The following LAIR1 variants were observed in gnomAD, a reference collection of about 807,000 sequenced individuals.
The protein encoded by LAIR1 is leukocyte-associated immunoglobulin-like receptor 1.
In LAIR1, 24 loss-of-function variants were observed where a neutral mutation model predicts 32.8. That is an observed-to-expected ratio of 0.73 (90% CI 0.53 to 1.03). The LOEUF (loss-of-function observed/expected upper bound fraction) is 1.03, where lower values mean the gene tolerates loss of function less well. Ranked by LOEUF, LAIR1 falls within the 50% of genes least tolerant of loss-of-function variation. LAIR1 has a pLI of 0.00. For missense variants in LAIR1, 355 were observed against 347.5 expected, an observed-to-expected ratio of 1.02 and a Z score of -0.17; for synonymous variants, 150 against 140.5, an observed-to-expected ratio of 1.07 and a Z score of -0.48.
At chr19:54,360,885 G>C (rs771929511) in intron 3 of LAIR1, 31 bp downstream of exon 3, 1 of 1,594,836 alleles carries the variant, frequency 6.3e-7, no homozygotes, top group Admixed American at 1.7e-5. Context: ...GTCGAGCTGA[G>C]ACTGGGGCAG....
intron 2 of LAIR1, among the ~76,000 whole-genome samples, chr19:54,363,366 C>T (rs1218609769): frequency 6.6e-6 from 1 of 151,712 alleles, no homozygotes; most frequent in Non-Finnish European, 1.5e-5. Context: ...TTGTGACTGT[C>T]ATGTTCCCCG....
Position 54,354,284 on chromosome 19 carries a change from T to C in LAIR1, c.*984A>G, listed in dbSNP as rs1225528600. ...GTGAGAGCATGCATTCCTGTGCATG[T>C]ATGTGCAGATGTGGACCTGTAGGGT... On this transcript the variant is annotated 3_prime_UTR_variant, in exon 10 of 10. Coordinates refer to ENST00000391742, the MANE Select transcript of LAIR1 (RefSeq NM_002287.6). 1 of 152,184 alleles carries C rather than the reference T, an allele frequency of 6.6e-6. No homozygotes were observed. Among genetic ancestry groups the C allele is most frequent in the Non-Finnish European group, 1.5e-5 (1 of 68,042 alleles). The allele number at this position is 152,184 out of a possible 1,614,324, so 9.4% of individuals were successfully genotyped here. A position where few individuals can be genotyped will look rare whatever the true frequency, so the allele number is the denominator to read the frequency against.
rs550183931 is a variant in LAIR1, at chr19:54,370,457, C to T, written c.-180G>A. On this transcript the variant is annotated 5_prime_UTR_variant, in exon 1 of 9. Coordinates refer to the LAIR1 transcript ENST00000391743. ...ACCTCCAGCCTGCGCTGTGGAGAGACCAGGTCCTCGGAACAGTATTTTAAC... is the reference window on the plus strand; with the variant it reads ...ACCTCCAGCCTGCGCTGTGGAGAGATCAGGTCCTCGGAACAGTATTTTAAC... The T allele has an allele frequency of 2.1e-4, 109 of 517,018 alleles. 6 individuals are homozygous for T. In the African/African-American group the frequency reaches 2.1e-3, roughly 10 times the overall value. 32.0% of individuals were successfully genotyped at this position (517,018 alleles called of 1,614,324 possible). A position where few individuals can be genotyped will look rare whatever the true frequency, so the allele number is the denominator to read the frequency against.
chr19:54,370,294 A>C, exon 1 of LAIR1: 1 of 1,543,894 alleles, frequency 6.5e-7, no homozygotes, highest in Non-Finnish European at 8.7e-7. Flanking sequence ...TCGCGGATGC[A>C]ACCCTGGAAG....
chr19:54,367,620 C>T (rs773542904), upstream of LAIR1, among the ~76,000 whole-genome samples: 58 of 150,694 alleles, frequency 3.8e-4, no homozygotes, highest in Non-Finnish European at 7.5e-4. Flanking sequence ...GTGGTGGGCG[C>T]CTGTAGTCCC....
chr19:54,365,853 T>C (rs2082235596), upstream of LAIR1, among the ~76,000 whole-genome samples: 1 of 151,538 alleles, frequency 6.6e-6, no homozygotes, highest in Non-Finnish European at 1.5e-5. Context: ...CTATTCGCAA[T>C]AGCTAAGACG....
At chr19:54,367,414 CAAT>C (rs1331372237), upstream of LAIR1, among the ~76,000 whole-genome samples, 1 of 152,122 alleles carries the variant, frequency 6.6e-6, no homozygotes, top group African/African-American at 2.4e-5. Flanking sequence ...TAAAAAATAA[CAAT>C]AAACCAACTA....
At position 54,355,338 on chromosome 19, in the gene LAIR1, C is replaced by T. The variant is rs539893856; in HGVS notation, c.794G>A (p.Arg265Gln). Residue 265 changes from arginine (R) to glutamine (Q), a missense_variant, in exon 10 of 10, where the codon CGG becomes CAG. Transcript: ENST00000391742. The surrounding 1 kb of genome is among the most constrained non-coding windows in gnomAD (Gnocchi z 4.7). ...DHWALTQRTARAVSPQSTKPM... is the reference protein window; with the variant it reads ...DHWALTQRTAQAVSPQSTKPM... ...CTTTGTGGACTGTGGGGACACAGCC[C>T]GGGCTGTCCTCTGTGTGAGGGCCCA... is the stretch of plus-strand genomic sequence containing the variant. 7 of 1,613,490 alleles carry T rather than the reference C, an allele frequency of 4.3e-6. No individual in the cohort carries two copies. Among genetic ancestry groups the T allele is most frequent in the South Asian group, 2.2e-5 (2 of 91,048 alleles).
In LAIR1 at chr19:54,364,394, A is replaced by C. The variant is rs2082164016; in HGVS notation, c.35-64T>G. On this transcript the variant is annotated intron_variant, in intron 1 of 9. Transcript: ENST00000391742. This position sits in a 1 kb window ranked among gnomAD's most constrained non-coding sequence, Gnocchi z 4.8. The stretch of plus-strand genomic sequence containing the variant: ...CAGTCTCCTTACGGGGCTGCTGTCA[A>C]AAGGGGGCTCGATGGAGCTGGGGGG... The C allele has an allele frequency of 8.1e-6, 13 of 1,609,204 alleles. No homozygotes were observed. In the Middle Eastern group the frequency reaches 9.9e-4, roughly 123 times the overall value.
rs888693326 is a variant in LAIR1, at chr19:54,352,085, C to T, written c.*3183G>A. Reference sequence around the variant, plus strand: ...TCACCGGGTAATCTTTCTCTCAACGCCTTGCCCAGCTGGCCCAGGGCTCCA... The same window carrying T: ...TCACCGGGTAATCTTTCTCTCAACGTCTTGCCCAGCTGGCCCAGGGCTCCA... On this transcript the variant is annotated 3_prime_UTR_variant, in exon 10 of 10. Coordinates refer to ENST00000391742, the MANE Select transcript of LAIR1 (RefSeq NM_002287.6). 6.6e-6 allele frequency: 1 copy of T among 152,322 alleles called. No homozygotes were observed. The highest frequency in any genetic ancestry group is 1.5e-5 in the Non-Finnish European group (1 of 68,094). 9.4% of individuals were successfully genotyped at this position (152,322 alleles called of 1,614,324 possible).
At chr19:54,366,426 A>T (rs528715410), upstream of LAIR1, among the ~76,000 whole-genome samples, 31 of 152,312 alleles carry the variant, frequency 2.0e-4, no homozygotes, top group African/African-American at 7.0e-4. Flanking sequence ...CGCCTTAGCA[A>T]ACAACGTGGC....
At chr19:54,365,371 A>T (rs1487531589), upstream of LAIR1, among the ~76,000 whole-genome samples, 1 of 152,196 alleles carries the variant, frequency 6.6e-6, no homozygotes, top group African/African-American at 2.4e-5. Flanking sequence ...GAGAAACTGG[A>T]TCCCTCGCAT....
intron 4 of LAIR1, chr19:54,357,257 G>A (rs972181712): frequency 1.5e-5 from 7 of 471,324 alleles, no homozygotes; most frequent in East Asian, 1.1e-4. Context: ...GACCCCACGG[G>A]CCTGATGCCA....
chr19:54,371,957 C>T (rs2082415077), upstream of LAIR1, among the ~76,000 whole-genome samples: 1 of 151,648 alleles, frequency 6.6e-6, no homozygotes, highest in Non-Finnish European at 1.5e-5. Context: ...CTCTCCTCCA[C>T]ATCTTTTCAT....
chr19:54,374,481 G>C (rs547755497), upstream of LAIR1, among the ~76,000 whole-genome samples: 1 of 152,144 alleles, frequency 6.6e-6, no homozygotes. Flanking sequence ...TGAACCGGGG[G>C]TGCAGAACCT....
Position 54,355,499 on chromosome 19 carries a change from C to T in LAIR1, c.718-85G>A, listed in dbSNP as rs2081652743. On this transcript the variant is annotated intron_variant, in intron 9 of 9. Transcript: ENST00000391742. This position sits in a 1 kb window ranked among gnomAD's most constrained non-coding sequence, Gnocchi z 4.7. ...GGGGAGGGAGGGCTGTGGCGGCCAT[C>T]TCCATGGGCCCTGAGGACCCTCTCC... is the stretch of plus-strand genomic sequence containing the variant. The T allele has an allele frequency of 8.0e-7, 1 of 1,255,334 alleles. No homozygotes were observed. Among genetic ancestry groups the T allele is most frequent in the African/African-American group, 1.5e-5 (1 of 66,486 alleles). 77.8% of individuals were successfully genotyped at this position (1,255,334 alleles called of 1,614,324 possible).
upstream of LAIR1, among the ~76,000 whole-genome samples, chr19:54,374,985 A>G (rs8101787): frequency 0.55 from 83,289 of 151,662 alleles, 24,509 homozygotes; most frequent in African/African-American, 0.77. Context: ...CATTACCGGA[A>G]AGACTGACCC....
In LAIR1 at chr19:54,358,323, C is replaced by T. The variant is rs182511468; in HGVS notation, c.416-1357G>A. On this transcript the variant is annotated intron_variant, in intron 4 of 9. Transcript: ENST00000391742. ...TCTTTCATATAATATATAATATACA[C>T]TATAGTCATATGTAGTGATACACTA... 16 of 158,258 alleles carry T rather than the reference C, an allele frequency of 1.0e-4. No individual in the cohort carries two copies. In the East Asian group the frequency reaches 2.9e-3, roughly 28 times the overall value. The allele number at this position is 158,258 out of a possible 1,614,324, so 9.8% of individuals were successfully genotyped here.
In LAIR1 at chr19:54,355,962, C is replaced by G. The variant is rs773993375; in HGVS notation, c.709G>C (p.Asp237His). Residue 237 changes from aspartate (D) to histidine (H), a missense_variant, in exon 9 of 10, where the codon GAC (aspartate) becomes CAC (histidine). Coordinates refer to ENST00000391742, the MANE Select transcript of LAIR1 (RefSeq NM_002287.6). The surrounding 1 kb of genome is among the most constrained non-coding windows in gnomAD (Gnocchi z 4.7). ...CTAGTAGGAAGGCTCACCGAGGTGT[C>G]CGTCTCTCTGTCCTTCTCAGGAAGT... ...NGLPEKDRETDTSALAAGSSQ... is the reference protein window; with the variant it reads ...NGLPEKDRETHTSALAAGSSQ... The G allele has an allele frequency of 2.6e-5, 42 of 1,602,782 alleles. No homozygotes were observed. Among genetic ancestry groups the G allele is most frequent in the South Asian group, 1.2e-4 (11 of 90,942 alleles).
Sources: gnomAD v4.1 joint callset for allele counts (sites outside exome capture counted in the v4.1 genomes callset) on GRCh38, gnomAD v4.1.1 for gene constraint, Gnocchi (gnomAD v3.1) non-coding constraint, MANE v1.5 for transcripts, NCBI Gene and HGNC (gene_info 2026-07-23, HGNC 2026-07-21) for gene names.